KLF12: variants seen among roughly 807,000 people sequenced by gnomAD.
KLF12 encodes Krueppel-like factor 12.
Under a neutral mutation model 37.8 loss-of-function variants are expected in KLF12, and 9 were observed. That is an observed-to-expected ratio of 0.24 (90% confidence interval 0.14 to 0.42). The LOEUF is 0.42. Ranked by LOEUF, KLF12 falls within the 10% of genes least tolerant of loss-of-function variation. The pLI, the probability that KLF12 is intolerant of heterozygous loss-of-function variation, is 1.00. For missense variants in KLF12, 411 were observed against 516.0 expected (o/e 0.80, Z 1.97); for synonymous variants, 208 against 202.1 (o/e 1.03, Z -0.25).
At chr13:73,881,810 C>T (rs1210875771) in intron 3 of KLF12, among the ~76,000 whole-genome samples, 1 of 152,130 alleles carries the variant, frequency 6.6e-6, no homozygotes, top group Admixed American at 6.6e-5. Flanking sequence ...CACATCTAAT[C>T]CTGGTCCTAG....
the KLF12 span, among the ~76,000 whole-genome samples, chr13:74,144,313 C>T: frequency 6.6e-6 from 1 of 152,118 alleles, no homozygotes. Context: ...ACTTGACAGA[C>T]CCAACAGATT....
the KLF12 span, among the ~76,000 whole-genome samples, chr13:74,282,323 T>C: frequency 6.6e-6 from 1 of 152,234 alleles, no homozygotes; most frequent in African/African-American, 2.4e-5. Flanking sequence ...AGTATGTGAT[T>C]AAGATGATGC....
chr13:74,112,480 CTGTT>C (rs1877041373), intron 1 of KLF12, among the ~76,000 whole-genome samples: 1 of 151,234 alleles, frequency 6.6e-6, no homozygotes. Context: ...TCGAGCATGT[CTGTT>C]AGTGCCATTT....
At chr13:73,864,566 C>A (rs948872751) in intron 3 of KLF12, among the ~76,000 whole-genome samples, 2 of 151,986 alleles carry the variant, frequency 1.3e-5, no homozygotes, top group Non-Finnish European at 2.9e-5. Context: ...TGAAGGAAAG[C>A]GTTTATATCA....
the KLF12 span, among the ~76,000 whole-genome samples, chr13:74,226,126 G>T: frequency 2.0e-5 from 3 of 152,074 alleles, no homozygotes; most frequent in African/African-American, 7.2e-5. Flanking sequence ...AGTTAATTTG[G>T]GAGCTGTGTA....
At chr13:74,055,677 T>C (rs1873206081) in intron 1 of KLF12, among the ~76,000 whole-genome samples, 1 of 151,988 alleles carries the variant, frequency 6.6e-6, no homozygotes, top group African/African-American at 2.4e-5. Flanking sequence ...TCAAGATACG[T>C]CCAAAGGAAA....
chr13:73,926,626 CTCTCTTTT>C (rs1889388638), intron 3 of KLF12, among the ~76,000 whole-genome samples: 1 of 96,622 alleles, frequency 1.0e-5, no homozygotes, highest in Non-Finnish European at 2.5e-5. Context: ...TTTTCTCTCT[CTCTCTTTT>C]TTTTTTTTTT....
At chr13:74,140,881 A>G in the KLF12 span, among the ~76,000 whole-genome samples, 353 of 152,214 alleles carry the variant, frequency 2.3e-3, 1 homozygote, top group African/African-American at 5.9e-3. Flanking sequence ...GTGAAACCCC[A>G]TCTCTACTAA....
chr13:74,274,240 G>T, the KLF12 span, among the ~76,000 whole-genome samples: 1 of 152,044 alleles, frequency 6.6e-6, no homozygotes, highest in African/African-American at 2.4e-5. Flanking sequence ...TAGTGAAGAT[G>T]CAATACAACT....
At chr13:73,897,836 T>C (rs1252243631) in intron 3 of KLF12, among the ~76,000 whole-genome samples, 3 of 152,250 alleles carry the variant, frequency 2.0e-5, no homozygotes, top group Non-Finnish European at 2.9e-5. Context: ...AAAAATGTTT[T>C]GGTTGTTCTC....
At position 73,844,000 on chromosome 13, in the gene KLF12, C is replaced by T. The variant is rs540816537; in HGVS notation, c.670+1827G>A. Among the ~76,000 whole-genome samples the T allele has an allele frequency of 7.2e-5, 11 of 152,198 alleles. No individual in the cohort carries two copies. In the South Asian group the frequency reaches 2.3e-3, roughly 32 times the overall value. ...ATATACTTTCAAAATAAAAATCTCT[C>T]TCACAAAATGATCATGGCAAACAAA... is the stretch of plus-strand genomic sequence containing the variant. On this transcript the variant is annotated intron_variant, in intron 4 of 7. Transcript: ENST00000377669.
intron 3 of KLF12, among the ~76,000 whole-genome samples, chr13:73,935,025 A>G (rs7991457): frequency 0.58 from 87,319 of 150,958 alleles, 25,399 homozygotes; most frequent in Admixed American, 0.66. Context: ...TGTCATCCAG[A>G]CTGTAGAGCA....
chr13:73,887,096 T>C (rs1183849743), intron 3 of KLF12, among the ~76,000 whole-genome samples: 1 of 151,914 alleles, frequency 6.6e-6, no homozygotes, highest in East Asian at 1.9e-4. Flanking sequence ...ACTCATATGG[T>C]TCATCATCAT....
In KLF12 at chr13:74,107,736, T is replaced by C. The variant is rs766309432; in HGVS notation, c.-32+26003A>G. ...AATCAGGGGAAGCCAAGACAAATCA[T>C]TAAGGGTTGCCCTATCCTGGAAAAA... On this transcript the variant is annotated intron_variant, in intron 1 of 7. Coordinates refer to ENST00000377669, the MANE Select transcript of KLF12 (RefSeq NM_007249.5). Among the ~76,000 whole-genome samples, 46 of 152,100 alleles carry C rather than the reference T, an allele frequency of 3.0e-4. 1 individual carries two copies. The highest frequency in any genetic ancestry group is 5.9e-4 in the Non-Finnish European group (40 of 68,004).
At chr13:73,855,762 T>C (rs760208639) in intron 3 of KLF12, among the ~76,000 whole-genome samples, 22 of 152,178 alleles carry the variant, frequency 1.4e-4, no homozygotes, top group Non-Finnish European at 2.8e-4. Flanking sequence ...TATGTTACTT[T>C]TGTTTACTTA....
intron 1 of KLF12, among the ~76,000 whole-genome samples, chr13:74,120,521 A>AT (rs1412168250): frequency 6.6e-6 from 1 of 151,970 alleles, no homozygotes; most frequent in African/African-American, 2.4e-5. Flanking sequence ...TAAAGAAAGA[A>AT]TTTATTTAGG....
At chr13:73,863,933 A>T (rs1210261676) in intron 3 of KLF12, among the ~76,000 whole-genome samples, 1 of 152,188 alleles carries the variant, frequency 6.6e-6, no homozygotes, top group African/African-American at 2.4e-5. Context: ...ATGTCAGTTT[A>T]GTACAGTTTT....
intron 5 of KLF12, among the ~76,000 whole-genome samples, chr13:73,809,872 G>C (rs538362772): frequency 3.7e-4 from 56 of 152,244 alleles, no homozygotes; most frequent in Middle Eastern, 3.4e-3. Flanking sequence ...AATGAATCTG[G>C]CATCTCCCAT....
At chr13:74,291,692 C>T in the KLF12 span, among the ~76,000 whole-genome samples, 387 of 152,200 alleles carry the variant, frequency 2.5e-3, 2 homozygotes, top group African/African-American at 8.8e-3. Context: ...GAAAGGATGA[C>T]TATATATGGA....
Sources: allele counts gnomAD v4.1 joint callset (sites outside exome capture counted in the v4.1 genomes callset), GRCh38; gene constraint gnomAD v4.1.1; transcripts MANE v1.5; gene names NCBI Gene and HGNC (gene_info 2026-07-23, HGNC 2026-07-21).